Variants in CFAP58 observed in about 807,000 individuals in gnomAD.
The protein encoded by CFAP58 is cilia- and flagella-associated protein 58.
A neutral mutation model predicts 119.5 loss-of-function variants in CFAP58; 88 were observed. The ratio of observed to expected loss-of-function variants is 0.74; its 90% CI spans 0.62 to 0.88. The LOEUF (loss-of-function observed/expected upper bound fraction) is 0.88. Ranked by LOEUF, CFAP58 falls within the 40% of genes least tolerant of loss-of-function variation. The pLI is 0.00. For missense variants in CFAP58, 990 were observed against 1,021.2 expected (o/e 0.97, Z 0.42); for synonymous variants, 365 against 366.3 (o/e 1.00, Z 0.04).
At chr10:104,376,707 G>C in intron 7 of CFAP58, 104 bp from the exon 8 acceptor site, 2 of 799,862 alleles carry the variant, frequency 2.5e-6, no homozygotes, top group Admixed American at 4.7e-5. Flanking sequence ...TAGTTTTATA[G>C]CTAGAGACAA....
At chr10:104,393,925 C>T (rs868727553) in intron 11 of CFAP58, among the ~76,000 whole-genome samples, 2 of 152,184 alleles carry the variant, frequency 1.3e-5, no homozygotes, top group African/African-American at 2.4e-5. Flanking sequence ...GTGCATGTGA[C>T]GTTTCTATCT....
chr10:104,403,882 C>A, intron 14 of CFAP58, 42 bp downstream of exon 14: 3 of 1,284,434 alleles, frequency 2.3e-6, no homozygotes, highest in Non-Finnish European at 3.3e-6. Context: ...CAAATCTCTC[C>A]TCCTATCCCA....
intron 14 of CFAP58, 145 bp downstream of exon 14, chr10:104,403,985 A>G (rs1320486125): frequency 6.2e-6 from 3 of 483,678 alleles, no homozygotes; most frequent in Non-Finnish European, 1.1e-5. Context: ...TATCTGATGT[A>G]AATTGAGTTT....
At chr10:104,443,559 AAATT>A (rs2013071317) in intron 15 of CFAP58, among the ~76,000 whole-genome samples, 1 of 152,258 alleles carries the variant, frequency 6.6e-6, no homozygotes, top group Non-Finnish European at 1.5e-5. Flanking sequence ...AAAATGGAAT[AAATT>A]AGTTCCTCTC....
intron 9 of CFAP58, among the ~76,000 whole-genome samples, chr10:104,386,457 A>G (rs1212001966): frequency 6.6e-6 from 1 of 152,130 alleles, no homozygotes; most frequent in African/African-American, 2.4e-5. Context: ...CTGATTTAAA[A>G]AATAAATAAA....
chr10:104,451,910 T>C (rs187563943), intron 17 of CFAP58, among the ~76,000 whole-genome samples: 2,663 of 151,512 alleles, frequency 0.018, 75 homozygotes, highest in African/African-American at 0.061. Context: ...TTTTTTTTTT[T>C]GTATTTTTAG....
At chr10:104,365,120 G>C (rs1490972661) in intron 4 of CFAP58, among the ~76,000 whole-genome samples, 2 of 152,074 alleles carry the variant, frequency 1.3e-5, no homozygotes, top group Non-Finnish European at 2.9e-5. Flanking sequence ...TCACTGAGGC[G>C]GGCACTCCCT....
chr10:104,384,362 A>G (rs2011880186), intron 9 of CFAP58, among the ~76,000 whole-genome samples: 1 of 152,204 alleles, frequency 6.6e-6, no homozygotes, highest in Admixed American at 6.5e-5. Context: ...CCACCACCCT[A>G]GGGTACTAAG....
intron 8 of CFAP58, 124 bp from the exon 9 acceptor site, chr10:104,379,905 G>T: frequency 4.6e-6 from 4 of 875,962 alleles, no homozygotes; most frequent in East Asian, 2.4e-5. Flanking sequence ...TAGAGAATAT[G>T]ATCATTTTTA....
chr10:104,346,258 G>A, the CFAP58 span, among the ~76,000 whole-genome samples: 2 of 152,030 alleles, frequency 1.3e-5, no homozygotes, highest in African/African-American at 2.4e-5. Context: ...CCCATGACCC[G>A]AACACCTGAG....
At chr10:104,370,850 C>T in intron 6 of CFAP58, 45 bp from the exon 7 acceptor site, 2 of 1,559,150 alleles carry the variant, frequency 1.3e-6, no homozygotes, top group South Asian at 2.4e-5. Context: ...GTTCCTGGCT[C>T]TTCATTTACA....
At chr10:104,431,624 T>TA (rs927598721) in intron 15 of CFAP58, among the ~76,000 whole-genome samples, 5 of 152,200 alleles carry the variant, frequency 3.3e-5, no homozygotes, top group South Asian at 4.1e-4. Context: ...TCAGATTTTT[T>TA]AAAAAATGAA....
chr10:104,351,255 C>T (rs775740837), upstream of CFAP58, among the ~76,000 whole-genome samples: 1 of 152,192 alleles, frequency 6.6e-6, no homozygotes, highest in Non-Finnish European at 1.5e-5. Context: ...TCTTTTTGTC[C>T]ACCAGATATA....
Position 104,454,677 on chromosome 10 carries a change from T to C in CFAP58, c.*147T>C, listed in dbSNP as rs935746335. On this transcript the variant is annotated 3_prime_UTR_variant, in exon 18 of 18. Coordinates refer to ENST00000369704, the MANE Select transcript of CFAP58 (RefSeq NM_001008723.2). ...TGCAGAACTATCATAGTCACATACA[T>C]ATAAGAGGGATGGTGTTTTGTCTGG... 60 of 625,060 alleles carry C rather than the reference T, an allele frequency of 9.6e-5. No homozygotes were observed. Among genetic ancestry groups the C allele is most frequent in the Non-Finnish European group, 1.6e-4 (55 of 348,394 alleles). The allele number at this position is 625,060 out of a possible 1,614,324, so 38.7% of individuals were successfully genotyped here.
chr10:104,358,223 A>G (rs1320910427), intron 1 of CFAP58, 118 bp from the exon 2 acceptor site: 2 of 972,642 alleles, frequency 2.1e-6, no homozygotes, highest in Non-Finnish European at 3.0e-6. Flanking sequence ...TCTGCTTATC[A>G]GTGGTTTTAA....
chr10:104,420,111 T>C (rs2012630880), intron 15 of CFAP58, among the ~76,000 whole-genome samples: 2 of 139,322 alleles, frequency 1.4e-5, no homozygotes, highest in Non-Finnish European at 3.0e-5. Flanking sequence ...ACTTTTAATA[T>C]GCAGATGTTT....
chr10:104,357,044 A>G, intron 1 of CFAP58, among the ~76,000 whole-genome samples: 1 of 152,230 alleles, frequency 6.6e-6, no homozygotes, highest in Non-Finnish European at 1.5e-5. Context: ...GGCTTACTCC[A>G]GTCTGAGCTC....
chr10:104,388,527 C>T (rs779251306), intron 9 of CFAP58, among the ~76,000 whole-genome samples: 6 of 152,158 alleles, frequency 3.9e-5, no homozygotes, highest in Non-Finnish European at 8.8e-5. Flanking sequence ...CTCAGCATTT[C>T]GCAAGCCAGG....
At chr10:104,412,513 C>G (rs550450460) in intron 15 of CFAP58, among the ~76,000 whole-genome samples, 2 of 151,978 alleles carry the variant, frequency 1.3e-5, no homozygotes, top group Admixed American at 6.6e-5. Context: ...CTTGCTGAAG[C>G]CCCAAGTGTT....
Sources: gnomAD v4.1 joint callset for allele counts (sites outside exome capture counted in the v4.1 genomes callset) on GRCh38, gnomAD v4.1.1 for gene constraint, MANE v1.5 for transcripts, NCBI Gene and HGNC (gene_info 2026-07-23, HGNC 2026-07-21) for gene names.